Variants in PAX4 observed in about 807,000 individuals in gnomAD.
PAX4 encodes paired box protein Pax-4.
In PAX4, 33 loss-of-function variants were observed where a neutral mutation model predicts 40.6. That is an observed-to-expected ratio of 0.81 (90% CI 0.62 to 1.09). The LOEUF (loss-of-function observed/expected upper bound fraction) is 1.09, where lower values mean the gene tolerates loss of function less well. Among genes scored for constraint, PAX4 ranks in the 50% least tolerant of loss-of-function variants. The pLI, the probability that PAX4 is intolerant of heterozygous loss-of-function variation, is 0.00. For missense variants in PAX4, 459 were observed against 442.5 expected, an observed-to-expected ratio of 1.04 and a Z score of -0.33; for synonymous variants, 174 against 170.6, an observed-to-expected ratio of 1.02 and a Z score of -0.16.
intron 11 of PAX4, 52 bp from the exon 12 acceptor site, chr7:127,611,258 C>T (rs1794620718): frequency 1.3e-6 from 2 of 1,494,322 alleles, no homozygotes; most frequent in Non-Finnish European, 1.8e-6. Flanking sequence ...CCCCACCTCT[C>T]AAAGTCACTA....
chr7:127,613,233 C>G (rs1794665491), intron 8 of PAX4, 142 bp from the exon 9 acceptor site: 5 of 862,192 alleles, frequency 5.8e-6, no homozygotes, highest in Non-Finnish European at 3.9e-6. Context: ...CTAGCTTTTG[C>G]TCTCTGGCCC....
At chr7:127,617,721 T>G (rs928459705) in intron 1 of PAX4, among the ~76,000 whole-genome samples, 2 of 152,222 alleles carry the variant, frequency 1.3e-5, no homozygotes, top group African/African-American at 4.8e-5. Flanking sequence ...TAAATCATTA[T>G]GCCCCAACTC....
At position 127,611,206 on chromosome 7, in the gene PAX4, C is replaced by T. The variant is rs2117446307; in HGVS notation, c.914G>A (p.Gly305Asp). The change falls in exon 12 of 12, where the codon GGC (glycine) becomes GAC (aspartate). Residue 305 changes from glycine to aspartate, a missense_variant and splice_region_variant. Gly to Asp is a moderately conservative substitution (Grantham distance 94). Transcript: ENST00000639438. Reference sequence around the variant, plus strand: ...GGAATTCGGCTGTGGGGGCAAGTGGCCTGTGGGGACAAATAGAGAGAGCTT... The same window carrying T: ...GGAATTCGGCTGTGGGGGCAAGTGGTCTGTGGGGACAAATAGAGAGAGCTT... The part of the protein sequence containing the change: ...PPKACLKPCW[G>D]HLPPQPNSLD... 2 of 1,595,006 alleles carry T rather than the reference C, an allele frequency of 1.3e-6. No individual in the cohort carries two copies. Among genetic ancestry groups the T allele is most frequent in the East Asian group, 2.3e-5 (1 of 44,368 alleles).
intron 4 of PAX4, 151 bp from the exon 5 acceptor site, chr7:127,615,246 G>C (rs756900663): frequency 1.3e-6 from 2 of 1,592,904 alleles, no homozygotes; most frequent in Non-Finnish European, 1.7e-6. Flanking sequence ...GAGGGCCTGA[G>C]GCTCCCCTTT....
At chr7:127,615,166 G>A (rs572475892) in intron 4 of PAX4, 71 bp from the exon 5 acceptor site, 3 of 1,611,310 alleles carry the variant, frequency 1.9e-6, no homozygotes, top group Admixed American at 3.3e-5. Flanking sequence ...CCTGGGACAG[G>A]AGGAGGCTAT....
chr7:127,615,775 G>C (rs1794715982), intron 3 of PAX4, 141 bp downstream of exon 3: 45 of 1,512,470 alleles, frequency 3.0e-5, no homozygotes, highest in Non-Finnish European at 3.8e-5. Context: ...AAGCAGGACA[G>C]GGCAGGAAGG....
At chr7:127,613,645 G>A (rs1794673820) in intron 7 of PAX4, 111 bp downstream of exon 7, 1 of 1,519,492 alleles carries the variant, frequency 6.6e-7, no homozygotes, top group Non-Finnish European at 8.9e-7. Flanking sequence ...TCCTCCTCAA[G>A]GCAGGGCCAC....
intron 9 of PAX4, 137 bp from the exon 10 acceptor site, chr7:127,612,137 G>A: frequency 1.2e-6 from 1 of 807,480 alleles, no homozygotes; most frequent in Admixed American, 2.0e-5. Context: ...TGAAGAGATG[G>A]ATATTTTAAC....
Position 127,610,772 on chromosome 7 carries a change from C to A in PAX4, c.*292G>T. On this transcript the variant is annotated 3_prime_UTR_variant, in exon 12 of 12. Coordinates refer to ENST00000639438, the MANE Select transcript of PAX4 (RefSeq NM_001366110.1). ...ATATTAGAGTGGGCATAGGGGTGCT[C>A]ATAGGGAAAACATGATGGACAACAG... The A allele has an allele frequency of 9.1e-7, 1 of 1,096,506 alleles. No homozygotes were observed. Among genetic ancestry groups the A allele is most frequent in the South Asian group, 1.4e-5 (1 of 72,854 alleles). 67.9% of individuals were successfully genotyped at this position (1,096,506 alleles called of 1,614,324 possible).
In PAX4 at chr7:127,615,468, G is replaced by C. The variant is rs766184275; in HGVS notation, c.77C>G (p.Thr26Ser). 10 of 1,614,200 alleles carry C rather than the reference G, an allele frequency of 6.2e-6. No homozygotes were observed. In the Admixed American group the frequency reaches 1.5e-4, roughly 24 times the overall value. Residue 26 changes from threonine to serine, a missense_variant, in exon 4 of 12, where the codon ACC becomes AGC. Transcript: ENST00000639438. ...FVNGRPLPLD[T>S]RQQIVRLAVS... Reference sequence around the variant, plus strand: ...TGCTAGCCGCACAATCTGCTGCCGGGTATCCAGAGGCAGGGGCCGGCCATT... The same window carrying C: ...TGCTAGCCGCACAATCTGCTGCCGGCTATCCAGAGGCAGGGGCCGGCCATT...
At chr7:127,615,631 C>T (rs1794712758) in intron 3 of PAX4, 100 bp from the exon 4 acceptor site, 26 of 1,600,210 alleles carry the variant, frequency 1.6e-5, no homozygotes, top group Non-Finnish European at 2.0e-5. Flanking sequence ...TTCCCACCAC[C>T]GAGTGCATCC....
At chr7:127,613,725 C>A (rs754908134) in intron 7 of PAX4, 31 bp downstream of exon 7, 2 of 1,613,424 alleles carry the variant, frequency 1.2e-6, no homozygotes, top group Non-Finnish European at 8.5e-7. Flanking sequence ...ACTGAGGACT[C>A]TCTGACCCTC....
chr7:127,613,425 G>T (rs904033627), intron 8 of PAX4, 25 bp downstream of exon 8: 3 of 1,609,012 alleles, frequency 1.9e-6, no homozygotes, highest in South Asian at 2.2e-5. Context: ...CTTGTGGTTT[G>T]TACAGTGTTG....
At chr7:127,616,424 C>A (rs886809479) in intron 2 of PAX4, among the ~76,000 whole-genome samples, 1 of 152,192 alleles carries the variant, frequency 6.6e-6, no homozygotes, top group Admixed American at 6.5e-5. Flanking sequence ...ATTCTGGGGT[C>A]CTCAAGTTCA....
chr7:127,615,541 A>G lies in PAX4; in HGVS notation c.14-10T>C, dbSNP rs1280266622. 1.2e-6 allele frequency: 2 copies of G among 1,613,528 alleles called. No homozygotes were observed. The highest frequency in any genetic ancestry group is 1.7e-6 in the Non-Finnish European group (2 of 1,179,940). On this transcript the variant is annotated splice_polypyrimidine_tract_variant and intron_variant, in intron 3 of 11. Coordinates refer to ENST00000639438, the MANE Select transcript of PAX4 (RefSeq NM_001366110.1). ...TTCATGCTGCTGATCCCTGGGCGTG[A>G]GACAGAGGTATCCACACACCACCTC...
chr7:127,614,784 A>G, intron 5 of PAX4, 96 bp downstream of exon 5: 2 of 1,511,920 alleles, frequency 1.3e-6, no homozygotes, highest in Non-Finnish European at 1.8e-6. Flanking sequence ...CCCTGTCACC[A>G]GCTTGGGATG....
chr7:127,615,531 C>T lies in PAX4; in HGVS notation c.14G>A (p.Gly5Glu), dbSNP rs781407603. The change falls in exon 4 of 12, where the codon GGG becomes GAG. Residue 5 changes from glycine (G) to glutamate (E), a missense_variant and splice_region_variant. Transcript: ENST00000639438. ...CCCAAGCTGGTTCATGCTGCTGATC[C>T]CTGGGCGTGAGACAGAGGTATCCAC... is the stretch of plus-strand genomic sequence containing the variant. MHQD[G>E]ISSMNQLGGL... The T allele has an allele frequency of 9.3e-6, 15 of 1,613,838 alleles. No homozygotes were observed. Among genetic ancestry groups the T allele is most frequent in the Admixed American group, 1.7e-5 (1 of 60,006 alleles).
At chr7:127,611,711 C>A (rs748242435) in intron 10 of PAX4, 35 bp from the exon 11 acceptor site, 12 of 1,605,206 alleles carry the variant, frequency 7.5e-6, no homozygotes, top group Non-Finnish European at 1.0e-5. Flanking sequence ...ACCTTAGCTT[C>A]CAGTGATGCC....
intron 11 of PAX4, 33 bp downstream of exon 11, chr7:127,611,502 C>G (rs763179058): frequency 1.2e-6 from 2 of 1,613,320 alleles, no homozygotes; most frequent in Non-Finnish European, 1.7e-6. Flanking sequence ...CTCCCTACAT[C>G]CTGCAGGACT....
Sources: allele counts gnomAD v4.1 joint callset (sites outside exome capture counted in the v4.1 genomes callset), GRCh38; gene constraint gnomAD v4.1.1; transcripts MANE v1.5; gene names NCBI Gene and HGNC (gene_info 2026-07-23, HGNC 2026-07-21).